The following CMC2 variants were observed in gnomAD, a reference collection of about 807,000 sequenced individuals.
CMC2 encodes C-X9-C motif containing 2, also known as COX assembly mitochondrial protein 2 homolog.
CMC2 carries 5 observed loss-of-function variants against 7.5 expected under a neutral mutation model. That is an observed-to-expected ratio of 0.66 (90% CI 0.35 to 1.40). CMC2 has a LOEUF of 1.40. Ranked by LOEUF, CMC2 falls within the 40% of genes most tolerant of loss-of-function variation. CMC2 has a pLI of 0.04. For synonymous variants in CMC2, 37 were observed against 31.4 expected (o/e 1.18, Z -0.60); for missense variants, 115 against 92.3 (o/e 1.25, Z -1.01).
At chr16:81,005,820 A>G (rs1380561353) in intron 1 of CMC2, among the ~76,000 whole-genome samples, 2 of 152,248 alleles carry the variant, frequency 1.3e-5, no homozygotes, top group Non-Finnish European at 2.9e-5. Flanking sequence ...TGTGAATTTC[A>G]GAGGAAAATA....
At chr16:80,980,561 A>G (rs1350667024) in intron 3 of CMC2, among the ~76,000 whole-genome samples, 1 of 81,572 alleles carries the variant, frequency 1.2e-5, no homozygotes, top group Non-Finnish European at 2.4e-5. Flanking sequence ...TGGCTTTTTC[A>G]TATAAAGGAC....
Position 80,997,308 on chromosome 16 carries a change from T to C in CMC2, c.81+6A>G. On this transcript the variant is annotated splice_donor_region_variant and intron_variant, in intron 2 of 3. Coordinates refer to ENST00000219400, the MANE Select transcript of CMC2 (RefSeq NM_020188.5). ...TGGCTGTACAGTCGTTTTTCTGAACTCTTACATTTTTGTGACATTCCTTAA... is the reference window on the plus strand; with the variant it reads ...TGGCTGTACAGTCGTTTTTCTGAACCCTTACATTTTTGTGACATTCCTTAA... 1 of 1,003,432 alleles carries C rather than the reference T, an allele frequency of 1.0e-6. No homozygotes were observed. 62.2% of individuals were successfully genotyped at this position (1,003,432 alleles called of 1,614,324 possible).
chr16:80,986,337 G>A (rs146267393), intron 2 of CMC2, among the ~76,000 whole-genome samples: 1 of 152,022 alleles, frequency 6.6e-6, no homozygotes, highest in Non-Finnish European at 1.5e-5. Context: ...GCGACAGAGA[G>A]AAACTCTGCC....
At chr16:80,980,010 C>T (rs554028511) in intron 3 of CMC2, among the ~76,000 whole-genome samples, 6 of 152,274 alleles carry the variant, frequency 3.9e-5, no homozygotes, top group African/African-American at 1.2e-4. Context: ...CCATGAACTC[C>T]TGGGCTCAAG....
At chr16:80,978,413 T>C (rs1262366895) in intron 3 of CMC2, 1 of 1,252,240 alleles carries the variant, frequency 8.0e-7, no homozygotes, top group South Asian at 1.3e-5. Flanking sequence ...GTCCAGATGG[T>C]CCCTGAATAA....
chr16:80,992,705 C>T lies in CMC2; in HGVS notation c.81+4609G>A, dbSNP rs1203964474. Among the ~76,000 whole-genome samples the T allele has an allele frequency of 3.2e-4, 30 of 92,514 alleles. 1 individual carries two copies. Among genetic ancestry groups the T allele is most frequent in the African/African-American group, 9.3e-4 (26 of 27,954 alleles). The allele number at this position is 92,514 out of a possible 152,430, so 60.7% of individuals were successfully genotyped here. A position where few individuals can be genotyped will look rare whatever the true frequency, so the allele number is the denominator to read the frequency against. On this transcript the variant is annotated intron_variant, in intron 2 of 3. Coordinates refer to ENST00000219400, the MANE Select transcript of CMC2 (RefSeq NM_020188.5). ...GATTTTTGGCCTCTTATTCCCCCTC[C>T]TTTTTTTTTTTTTTTTTGTGTAAAG...
chr16:80,996,530 C>A (rs1185879794), intron 2 of CMC2, among the ~76,000 whole-genome samples: 1 of 152,076 alleles, frequency 6.6e-6, no homozygotes, highest in East Asian at 1.9e-4. Context: ...TTCTTTGAAC[C>A]AGTAAAAATA....
chr16:80,979,646 T>C (rs2151617613), intron 3 of CMC2, among the ~76,000 whole-genome samples: 1 of 151,928 alleles, frequency 6.6e-6, no homozygotes. Context: ...AGAGACAGAG[T>C]CTCTCACTCT....
In CMC2 at chr16:80,975,158, G is replaced by A. The variant is rs1164930115; in HGVS notation, c.*935C>T. ...TGACTGCTAGAATTGGGCACGGGAA[G>A]AACAGTCCTATACTCAGCAGAGAGG... is the stretch of plus-strand genomic sequence containing the variant. On this transcript the variant is annotated 3_prime_UTR_variant, in exon 4 of 4. Transcript: ENST00000219400. 6.6e-6 allele frequency: 1 copy of A among 152,284 alleles called. No individual in the cohort carries two copies. The highest frequency in any genetic ancestry group is 2.4e-5 in the African/African-American group (1 of 41,456). 9.4% of individuals were successfully genotyped at this position (152,284 alleles called of 1,614,324 possible). A position where few individuals can be genotyped will look rare whatever the true frequency, so the allele number is the denominator to read the frequency against.
At chr16:80,990,452 G>C (rs1025816530) in intron 2 of CMC2, among the ~76,000 whole-genome samples, 3 of 152,166 alleles carry the variant, frequency 2.0e-5, no homozygotes, top group African/African-American at 7.2e-5. Context: ...TTACAGGCAT[G>C]AGCCACCGCC....
At position 80,969,363 on chromosome 16, in the gene CMC2, A is replaced by C. The variant is rs1193783782; in HGVS notation, c.*6730T>G. 6.6e-6 allele frequency: 1 copy of C among 152,298 alleles called. No homozygotes were observed. The highest frequency in any genetic ancestry group is 1.5e-5 in the Non-Finnish European group (1 of 68,144). The allele number at this position is 152,298 out of a possible 1,614,324, so 9.4% of individuals were successfully genotyped here. A position where few individuals can be genotyped will look rare whatever the true frequency, so the allele number is the denominator to read the frequency against. On this transcript the variant is annotated 3_prime_UTR_variant, in exon 4 of 4. Transcript: ENST00000219400. ...AGGACCGAAGAACCCAAAACAACAG[A>C]TATTCACTGCAAAGCCCGGAGGGCC...
In CMC2 at chr16:80,984,187, G is replaced by A. The variant is rs368723077; in HGVS notation, c.82-2310C>T. The A allele has an allele frequency of 3.9e-5, 6 of 152,296 alleles. No homozygotes were observed. The South Asian group carries it at 6.2e-4, about 16-fold the overall frequency. The allele number at this position is 152,296 out of a possible 1,614,324, so 9.4% of individuals were successfully genotyped here. A position where few individuals can be genotyped will look rare whatever the true frequency, so the allele number is the denominator to read the frequency against. ...TCTAAAGCAGGTTAAGCTGAAGCCTGAAGTTAAGAACCTGAATTTCAGTAG... is the reference window on the plus strand; with the variant it reads ...TCTAAAGCAGGTTAAGCTGAAGCCTAAAGTTAAGAACCTGAATTTCAGTAG... On this transcript the variant is annotated intron_variant, in intron 2 of 3. Coordinates refer to ENST00000219400, the MANE Select transcript of CMC2 (RefSeq NM_020188.5).
At chr16:80,983,906 G>C (rs1367932521) in intron 2 of CMC2, 3 of 152,302 alleles carry the variant, frequency 2.0e-5, no homozygotes, top group Non-Finnish European at 4.4e-5. Flanking sequence ...GCTTGAACCT[G>C]GGAGGTGGAG....
intron 2 of CMC2, among the ~76,000 whole-genome samples, chr16:80,991,397 G>T (rs1485606424): frequency 6.6e-6 from 1 of 152,158 alleles, no homozygotes; most frequent in Admixed American, 6.6e-5. Context: ...CACTTTGGTA[G>T]GCTAAGGCAG....
At chr16:80,980,810 A>T (rs1282964060) in intron 3 of CMC2, 1 of 699,720 alleles carries the variant, frequency 1.4e-6, no homozygotes, top group Non-Finnish European at 2.6e-6. Context: ...TGGGAGGATC[A>T]CTTGAGTTTG....
chr16:80,985,040 C>A (rs915741953), intron 2 of CMC2, among the ~76,000 whole-genome samples: 3 of 152,122 alleles, frequency 2.0e-5, no homozygotes, highest in Non-Finnish European at 4.4e-5. Context: ...ATCTGCGAAC[C>A]TTTTACATAA....
At chr16:81,006,418 G>A (rs1466660186) in intron 1 of CMC2, 1 of 152,392 alleles carries the variant, frequency 6.6e-6, no homozygotes, top group East Asian at 1.9e-4. Flanking sequence ...TTACCGGCGA[G>A]GAAGCCCCGG....
At position 80,978,427 on chromosome 16, in the gene CMC2, G is replaced by A. The variant is rs938878204; in HGVS notation, c.154-2248C>T. ...AGTCCAGATGGTCCCTGAATAAAAG[G>A]GGAGAAAAGGATGAATATGAAGTTA... On this transcript the variant is annotated intron_variant, in intron 3 of 3. Transcript: ENST00000219400. The A allele has an allele frequency of 1.5e-5, 19 of 1,239,292 alleles. No homozygotes were observed. The East Asian group carries it at 4.0e-4, about 26-fold the overall frequency. 76.8% of individuals were successfully genotyped at this position (1,239,292 alleles called of 1,614,324 possible).
intron 1 of CMC2, among the ~76,000 whole-genome samples, chr16:81,003,777 G>C (rs2151656863): frequency 1.1e-5 from 1 of 88,190 alleles, no homozygotes; most frequent in East Asian, 2.9e-4. Flanking sequence ...AGTCTGTCAA[G>C]ACACAAAAAA....
Sources: allele counts gnomAD v4.1 joint callset (sites outside exome capture counted in the v4.1 genomes callset), GRCh38; gene constraint gnomAD v4.1.1; transcripts MANE v1.5; gene names NCBI Gene and HGNC (gene_info 2026-07-23, HGNC 2026-07-21).